Variants in TAFA1 observed in about 807,000 individuals in gnomAD.
TAFA1 encodes the protein chemokine-like protein TAFA-1.
A neutral mutation model predicts 18.5 loss-of-function variants in TAFA1; 4 were observed. The observed-to-expected ratio is 0.22, with a 90% CI of 0.11 to 0.49. The LOEUF is 0.49. Ranked by LOEUF, TAFA1 falls within the 20% of genes least tolerant of loss-of-function variation. TAFA1 has a pLI of 0.98. For missense variants in TAFA1, 147 were observed against 169.0 expected (o/e 0.87, Z 0.72); for synonymous variants, 56 against 55.2 (o/e 1.01, Z -0.06).
At chr3:68,016,730 T>C (rs188482223) in intron 2 of TAFA1, among the ~76,000 whole-genome samples, 1 of 152,136 alleles carries the variant, frequency 6.6e-6, no homozygotes, top group Non-Finnish European at 1.5e-5. Flanking sequence ...TATCTTAAAA[T>C]TTGCTTGTAT....
intron 3 of TAFA1, among the ~76,000 whole-genome samples, chr3:68,510,847 T>C (rs2072835574): frequency 6.6e-6 from 1 of 152,140 alleles, no homozygotes; most frequent in East Asian, 1.9e-4. Flanking sequence ...TATTGGGTTC[T>C]GCAAAAAAAT....
At chr3:68,439,083 A>T (rs1033165581) in intron 3 of TAFA1, among the ~76,000 whole-genome samples, 4 of 152,114 alleles carry the variant, frequency 2.6e-5, no homozygotes, top group Admixed American at 6.6e-5. Flanking sequence ...CCTTCTATCC[A>T]TGCTAATCTC....
intron 3 of TAFA1, among the ~76,000 whole-genome samples, chr3:68,518,123 C>A (rs994434135): frequency 6.6e-6 from 1 of 152,226 alleles, no homozygotes; most frequent in Admixed American, 6.5e-5. Context: ...TTGCAGACAT[C>A]CCTTTTTCAA....
chr3:68,178,761 A>T (rs1382616929), intron 2 of TAFA1, among the ~76,000 whole-genome samples: 1 of 152,246 alleles, frequency 6.6e-6, no homozygotes, highest in East Asian at 1.9e-4. Context: ...ACAAAGTAGC[A>T]CAAAGCTTTG....
intron 2 of TAFA1, among the ~76,000 whole-genome samples, chr3:68,212,833 C>G (rs568495865): frequency 2.6e-5 from 4 of 152,084 alleles, no homozygotes; most frequent in African/African-American, 9.6e-5. Flanking sequence ...CATGTGCGAT[C>G]TTTACTTGGT....
At chr3:68,381,310 G>C (rs1009526304) in intron 2 of TAFA1, among the ~76,000 whole-genome samples, 7 of 151,480 alleles carry the variant, frequency 4.6e-5, no homozygotes, top group Admixed American at 4.6e-4. Flanking sequence ...TGTGAAGAAA[G>C]TCATTGGTAG....
intron 3 of TAFA1, among the ~76,000 whole-genome samples, chr3:68,528,133 A>G (rs1018634717): frequency 3.9e-5 from 6 of 152,194 alleles, no homozygotes; most frequent in Admixed American, 2.0e-4. Context: ...GAGGGGATGG[A>G]TGCATACAGA....
intron 2 of TAFA1, among the ~76,000 whole-genome samples, chr3:68,238,577 G>C (rs1411618016): frequency 6.6e-6 from 1 of 152,068 alleles, no homozygotes; most frequent in Non-Finnish European, 1.5e-5. Context: ...AACTTGGTAG[G>C]GTATTAAATG....
At chr3:68,361,720 G>A (rs575395179) in intron 2 of TAFA1, among the ~76,000 whole-genome samples, 2 of 151,870 alleles carry the variant, frequency 1.3e-5, no homozygotes, top group African/African-American at 4.8e-5. Flanking sequence ...GAAAGCAAAG[G>A]AGAGAACCCA....
chr3:68,331,197 T>A (rs1199421382), intron 2 of TAFA1, among the ~76,000 whole-genome samples: 1 of 152,214 alleles, frequency 6.6e-6, no homozygotes, highest in Non-Finnish European at 1.5e-5. Flanking sequence ...AAAGGTCACA[T>A]ATTGTATGAT....
At chr3:68,325,847 G>C (rs2068768677) in intron 2 of TAFA1, among the ~76,000 whole-genome samples, 1 of 152,120 alleles carries the variant, frequency 6.6e-6, no homozygotes, top group Non-Finnish European at 1.5e-5. Flanking sequence ...AAGTGAGAAA[G>C]CTAGGATTTG....
At chr3:68,179,981 A>G (rs915687402) in intron 2 of TAFA1, among the ~76,000 whole-genome samples, 4 of 150,034 alleles carry the variant, frequency 2.7e-5, no homozygotes, top group African/African-American at 9.8e-5. Context: ...TGACGCTTGC[A>G]TAAGATTCTT....
chr3:68,507,064 C>T (rs2072770850), intron 3 of TAFA1, among the ~76,000 whole-genome samples: 1 of 152,092 alleles, frequency 6.6e-6, no homozygotes, highest in South Asian at 2.1e-4. Flanking sequence ...CCAGGGCAGA[C>T]ATTGATAATC....
chr3:68,008,777 G>A (rs571991067), intron 2 of TAFA1, among the ~76,000 whole-genome samples: 37 of 152,220 alleles, frequency 2.4e-4, no homozygotes, highest in Admixed American at 2.2e-3. Flanking sequence ...AGGTGGCCAT[G>A]GCAGAACTAG....
chr3:68,185,597 C>A (rs1442283307), intron 2 of TAFA1, among the ~76,000 whole-genome samples: 1 of 151,946 alleles, frequency 6.6e-6, no homozygotes, highest in African/African-American at 2.4e-5. Context: ...ATCATCTAAC[C>A]TTAGTAGAAA....
At chr3:68,050,580 G>T (rs1469557544) in intron 2 of TAFA1, among the ~76,000 whole-genome samples, 2 of 152,154 alleles carry the variant, frequency 1.3e-5, no homozygotes, top group Non-Finnish European at 2.9e-5. Flanking sequence ...CCCTACCTTT[G>T]TGCTGGCTGC....
intron 2 of TAFA1, among the ~76,000 whole-genome samples, chr3:68,222,213 G>A (rs767926043): frequency 3.3e-5 from 5 of 152,110 alleles, no homozygotes; most frequent in Non-Finnish European, 7.4e-5. Flanking sequence ...GATGTAGTTT[G>A]TCTTGCCCTT....
intron 2 of TAFA1, among the ~76,000 whole-genome samples, chr3:68,101,766 G>C (rs1412598971): frequency 6.6e-6 from 1 of 152,106 alleles, no homozygotes; most frequent in Non-Finnish European, 1.5e-5. Flanking sequence ...AGGTATTTTA[G>C]AGTAGAGTCA....
chr3:68,120,176 TC>T (rs2065374747), intron 2 of TAFA1, among the ~76,000 whole-genome samples: 9 of 14,348 alleles, frequency 6.3e-4, no homozygotes, highest in South Asian at 4.2e-3. Flanking sequence ...TCTTTCTCTT[TC>T]TTTCTTTCTT....
Sources: gnomAD v4.1 joint callset for allele counts (sites outside exome capture counted in the v4.1 genomes callset) on GRCh38, gnomAD v4.1.1 for gene constraint, MANE v1.5 for transcripts, NCBI Gene and HGNC (gene_info 2026-07-23, HGNC 2026-07-21) for gene names.